The following GPR37L1 variants were observed in gnomAD, a reference collection of about 807,000 sequenced individuals.
GPR37L1 encodes the protein G protein-coupled receptor 37-like 1.
In GPR37L1, 18 loss-of-function variants were observed where a neutral mutation model predicts 18.0. That is an observed-to-expected ratio of 1.00 (90% CI 0.69 to 1.49). The LOEUF is 1.49. Ranked by LOEUF, GPR37L1 falls within the 40% of genes most tolerant of loss-of-function variation. The pLI is 0.00. For missense variants in GPR37L1, 558 were observed against 615.1 expected (o/e 0.91, Z 0.98); for synonymous variants, 256 against 273.9 (o/e 0.93, Z 0.65).
intron 1 of GPR37L1, among the ~76,000 whole-genome samples, chr1:202,127,091 CAT>C (rs1459768300): frequency 2.0e-5 from 3 of 152,176 alleles, no homozygotes; most frequent in East Asian, 1.9e-4. Flanking sequence ...AGGAGGCAGA[CAT>C]GTGTGTAAAC....
Position 202,128,546 on chromosome 1 carries a change from C to T in GPR37L1, c.1436C>T (p.Thr479Ile), listed in dbSNP as rs1571713992. ...RESPPLLPLG[T>I]PC is the part of the protein sequence containing the mutation. Reference sequence around the variant, plus strand: ...TCACCCCCACTCCTGCCCCTGGGCACACCTTGCTGAGGCCCCAGTAGGGGT... The same window carrying T: ...TCACCCCCACTCCTGCCCCTGGGCATACCTTGCTGAGGCCCCAGTAGGGGT... Residue 479 changes from threonine to isoleucine, a missense_variant, in exon 2 of 2, where the codon ACA becomes ATA. Thr to Ile is a moderately conservative substitution (Grantham distance 89). Coordinates refer to ENST00000367282, the MANE Select transcript of GPR37L1 (RefSeq NM_004767.5). 1 of 1,556,414 alleles carries T rather than the reference C, an allele frequency of 6.4e-7. No homozygotes were observed. Among genetic ancestry groups the T allele is most frequent in the Non-Finnish European group, 8.7e-7 (1 of 1,146,810 alleles).
chr1:202,129,002 C>CTT lies in GPR37L1; in HGVS notation c.*447_*448dup. ...CCAGCCCAGTGTGGCTCACCACACT[C>CTT]TTCTTTTTTTTTTTTTTTTTTTTTG... On this transcript the variant is annotated 3_prime_UTR_variant, in exon 2 of 2. Coordinates refer to ENST00000367282, the MANE Select transcript of GPR37L1 (RefSeq NM_004767.5). 7.3e-6 allele frequency: 1 copy of CTT among 136,994 alleles called. No individual in the cohort carries two copies. The highest frequency in any genetic ancestry group is 1.5e-5 in the Non-Finnish European group (1 of 65,868). 8.5% of individuals were successfully genotyped at this position (136,994 alleles called of 1,614,324 possible). A position where few individuals can be genotyped will look rare whatever the true frequency, so the allele number is the denominator to read the frequency against.
intron 1 of GPR37L1, among the ~76,000 whole-genome samples, chr1:202,125,942 C>T (rs865787803): frequency 6.6e-6 from 1 of 152,130 alleles, no homozygotes; most frequent in East Asian, 1.9e-4. Flanking sequence ...GGCTGATCTC[C>T]AACCCCTGAG....
In GPR37L1 at chr1:202,122,946, T is replaced by C. The variant is rs1305465297; in HGVS notation, c.-18T>C. On this transcript the variant is annotated 5_prime_UTR_variant, in exon 1 of 2. Transcript: ENST00000367282. Reference sequence around the variant, plus strand: ...TCACCTGCTCTTCCTGGGCTGGCTGTCTCCTGCTCATCCAGCCATGCGGTG... The same window carrying C: ...TCACCTGCTCTTCCTGGGCTGGCTGCCTCCTGCTCATCCAGCCATGCGGTG... 1 of 1,611,322 alleles carries C rather than the reference T, an allele frequency of 6.2e-7. No individual in the cohort carries two copies. The highest frequency in any genetic ancestry group is 2.2e-5 in the East Asian group (1 of 44,878).
rs764750408 is a variant in GPR37L1 at position 202,128,482 on chromosome 1, G to A, written c.1372G>A (p.Glu458Lys). 9.3e-6 allele frequency: 15 copies of A among 1,609,870 alleles called. No homozygotes were observed. Among genetic ancestry groups the A allele is most frequent in the Non-Finnish European group, 1.2e-5 (14 of 1,178,066 alleles). ...ANGSDNKLKTEVSSSIYFHKP... is the reference protein window; with the variant it reads ...ANGSDNKLKTKVSSSIYFHKP... Reference sequence around the variant, plus strand: ...TGGGTCGGACAACAAGCTCAAGACCGAGGTGTCCTCTTCCATCTACTTCCA... The same window carrying A: ...TGGGTCGGACAACAAGCTCAAGACCAAGGTGTCCTCTTCCATCTACTTCCA... The change falls in exon 2 of 2, where the codon GAG becomes AAG. Residue 458 changes from glutamate (E) to lysine (K), a missense_variant. Transcript: ENST00000367282.
In GPR37L1 at chr1:202,128,123, C is replaced by T. The variant is rs1445852977; in HGVS notation, c.1013C>T (p.Pro338Leu). 6.2e-7 allele frequency: 1 copy of T among 1,614,100 alleles called. No homozygotes were observed. Residue 338 changes from proline (P) to leucine (L), a missense_variant, in exon 2 of 2, where the codon CCT becomes CTT. Coordinates refer to ENST00000367282, the MANE Select transcript of GPR37L1 (RefSeq NM_004767.5). ...CQLVTWRVRG[P>L]PGRKSECRAS... ...CTGGTGACATGGCGGGTGCGAGGCCCTCCAGGGAGGAAGTCAGAGTGCAGG... is the reference window on the plus strand; with the variant it reads ...CTGGTGACATGGCGGGTGCGAGGCCTTCCAGGGAGGAAGTCAGAGTGCAGG...
rs1213737673 is a variant in GPR37L1, at chr1:202,132,053, A to G, written c.*3497A>G. 6.6e-6 allele frequency: 1 copy of G among 152,186 alleles called. No individual in the cohort carries two copies. Among genetic ancestry groups the G allele is most frequent in the South Asian group, 2.1e-4 (1 of 4,828 alleles). 9.4% of individuals were successfully genotyped at this position (152,186 alleles called of 1,614,324 possible). On this transcript the variant is annotated 3_prime_UTR_variant, in exon 2 of 2. Transcript: ENST00000367282. The stretch of plus-strand genomic sequence containing the variant: ...CCCCTGAACAAATTCTTTAAGTCAT[A>G]TTAGCACCTGCTGCACGCCGGCACT...
chr1:202,126,870 C>T (rs964431381), intron 1 of GPR37L1, among the ~76,000 whole-genome samples: 4 of 52,790 alleles, frequency 7.6e-5, no homozygotes, highest in East Asian at 5.1e-4. Context: ...TGTGTGTGTG[C>T]ACGCGTAAGC....
rs1462760052 is a variant in GPR37L1, at chr1:202,128,730, CCCTTGTG to C, written c.*175_*181del. ...CCTCCCCACACAGGGCCTTTCCTGT[CCCTTGTG>C]GGGCCTTCCAACCCTGTCCTTTCCA... On this transcript the variant is annotated 3_prime_UTR_variant, in exon 2 of 2. Coordinates refer to ENST00000367282, the MANE Select transcript of GPR37L1 (RefSeq NM_004767.5). 6.8e-6 allele frequency: 4 copies of C among 588,540 alleles called. No homozygotes were observed. The highest frequency in any genetic ancestry group is 1.2e-5 in the Non-Finnish European group (4 of 330,686). 36.5% of individuals were successfully genotyped at this position (588,540 alleles called of 1,614,324 possible). A position where few individuals can be genotyped will look rare whatever the true frequency, so the allele number is the denominator to read the frequency against.
In GPR37L1 at chr1:202,128,622, C is replaced by T. The variant is rs1654747914; in HGVS notation, c.*66C>T. Reference sequence around the variant, plus strand: ...CCCGCCGGTGTCTGCTGTTCTTTCCCCATAGGTCTTGCTTTGTTGCCTGTC... The same window carrying T: ...CCCGCCGGTGTCTGCTGTTCTTTCCTCATAGGTCTTGCTTTGTTGCCTGTC... On this transcript the variant is annotated 3_prime_UTR_variant, in exon 2 of 2. Transcript: ENST00000367282. 16 of 975,180 alleles carry T rather than the reference C, an allele frequency of 1.6e-5. No individual in the cohort carries two copies. Among genetic ancestry groups the T allele is most frequent in the Non-Finnish European group, 2.4e-5 (16 of 656,910 alleles). 60.4% of individuals were successfully genotyped at this position (975,180 alleles called of 1,614,324 possible). A position where few individuals can be genotyped will look rare whatever the true frequency, so the allele number is the denominator to read the frequency against.
intron 1 of GPR37L1, among the ~76,000 whole-genome samples, chr1:202,127,178 G>T (rs1654686707): frequency 6.6e-6 from 1 of 152,182 alleles, no homozygotes; most frequent in South Asian, 2.1e-4. Context: ...CTTTTTCAAT[G>T]GTAAGGTGGT....
rs1002756580 is a variant in GPR37L1, at chr1:202,130,191, C to T, written c.*1635C>T. Reference sequence around the variant, plus strand: ...CATCAACCAGAAGTGATGCCTCAGCCAGGCCACCAGTCGCTCCCCGCCTGG... The same window carrying T: ...CATCAACCAGAAGTGATGCCTCAGCTAGGCCACCAGTCGCTCCCCGCCTGG... On this transcript the variant is annotated 3_prime_UTR_variant, in exon 2 of 2. Coordinates refer to ENST00000367282, the MANE Select transcript of GPR37L1 (RefSeq NM_004767.5). The T allele has an allele frequency of 3.3e-5, 5 of 152,522 alleles. No individual in the cohort carries two copies. The highest frequency in any genetic ancestry group is 1.2e-4 in the African/African-American group (5 of 41,446). 9.4% of individuals were successfully genotyped at this position (152,522 alleles called of 1,614,324 possible). A position where few individuals can be genotyped will look rare whatever the true frequency, so the allele number is the denominator to read the frequency against.
At position 202,131,305 on chromosome 1, in the gene GPR37L1, C is replaced by G. The variant is rs1419145044; in HGVS notation, c.*2749C>G. The G allele has an allele frequency of 6.6e-6, 1 of 152,246 alleles. No individual in the cohort carries two copies. Among genetic ancestry groups the G allele is most frequent in the African/African-American group, 2.4e-5 (1 of 41,440 alleles). 9.4% of individuals were successfully genotyped at this position (152,246 alleles called of 1,614,324 possible). On this transcript the variant is annotated 3_prime_UTR_variant, in exon 2 of 2. Transcript: ENST00000367282. ...CACCTTCTCATCACCTATCCTGGAACTGAATGCAATTACTTAAACTCAGTC... is the reference window on the plus strand; with the variant it reads ...CACCTTCTCATCACCTATCCTGGAAGTGAATGCAATTACTTAAACTCAGTC...
chr1:202,127,859 C>A lies in GPR37L1; in HGVS notation c.749C>A (p.Ala250Asp). 6.2e-7 allele frequency: 1 copy of A among 1,613,978 alleles called. No individual in the cohort carries two copies. The highest frequency in any genetic ancestry group is 8.5e-7 in the Non-Finnish European group (1 of 1,180,008). Reference protein sequence around the residue: ...RPIERCQSILAKLAVIWVGSM... With the variant: ...RPIERCQSILDKLAVIWVGSM... ...ATCGAGCGGTGCCAATCCATCCTGG[C>A]CAAGTTGGCTGTCATCTGGGTGGGC... Residue 250 changes from alanine (A) to aspartate (D), a missense_variant, in exon 2 of 2, where the codon GCC becomes GAC. By Grantham distance (126) the Ala-to-Asp change is moderately radical. Transcript: ENST00000367282.
In GPR37L1 at chr1:202,129,677, A is replaced by G. The variant is rs1411436829; in HGVS notation, c.*1121A>G. ...TCAGAACAGCCTTGTGGCCCTGGCGACTCCAAGGGTTTTATGGCTTTTGAG... is the reference window on the plus strand; with the variant it reads ...TCAGAACAGCCTTGTGGCCCTGGCGGCTCCAAGGGTTTTATGGCTTTTGAG... On this transcript the variant is annotated 3_prime_UTR_variant, in exon 2 of 2. Coordinates refer to ENST00000367282, the MANE Select transcript of GPR37L1 (RefSeq NM_004767.5). 1 of 151,824 alleles carries G rather than the reference A, an allele frequency of 6.6e-6. No homozygotes were observed. The highest frequency in any genetic ancestry group is 1.5e-5 in the Non-Finnish European group (1 of 68,016). The allele number at this position is 151,824 out of a possible 1,614,324, so 9.4% of individuals were successfully genotyped here.
chr1:202,123,051 C>G lies in GPR37L1; in HGVS notation c.88C>G (p.Leu30Val), dbSNP rs765717536. The G allele has an allele frequency of 1.9e-6, 3 of 1,613,612 alleles. No individual in the cohort carries two copies. In the Admixed American group the frequency reaches 5.0e-5, roughly 27 times the overall value. ...SRVSGGAPLH[L>V]GRHRAETQEQ... ...GGTCTCTGGGGGTGCCCCCCTGCAC[C>G]TGGGCAGGCACAGAGCCGAGACCCA... Residue 30 changes from leucine to valine, a missense_variant, in exon 1 of 2, where the codon CTG becomes GTG. Leu to Val is a conservative substitution (Grantham distance 32). Coordinates refer to ENST00000367282, the MANE Select transcript of GPR37L1 (RefSeq NM_004767.5).
rs1316344000 is a variant in GPR37L1, at chr1:202,131,234, G to A, written c.*2678G>A. The A allele has an allele frequency of 6.6e-6, 1 of 152,218 alleles. No individual in the cohort carries two copies. The highest frequency in any genetic ancestry group is 1.9e-4 in the East Asian group (1 of 5,190). The allele number at this position is 152,218 out of a possible 1,614,324, so 9.4% of individuals were successfully genotyped here. On this transcript the variant is annotated 3_prime_UTR_variant, in exon 2 of 2. Transcript: ENST00000367282. ...GATCCTGATGCCAGGTTACAGGGCT[G>A]AGGGGAGCCTGAAATCCACTGGGTC...
Position 202,127,958 on chromosome 1 carries a change from T to C in GPR37L1, c.848T>C (p.Leu283Pro), listed in dbSNP as rs1377859726. Residue 283 changes from leucine (L) to proline (P), a missense_variant, in exon 2 of 2, where the codon CTG becomes CCG. By Grantham distance (98) the Leu-to-Pro change is moderately conservative (BLOSUM62 -3). Coordinates refer to ENST00000367282, the MANE Select transcript of GPR37L1 (RefSeq NM_004767.5). ...AQEPAPTMGT[L>P]DSCIMKPSAS... is the part of the protein sequence containing the mutation. ...GAGCCTGCCCCCACCATGGGCACCC[T>C]GGACTCATGCATCATGAAACCCTCA... is the stretch of plus-strand genomic sequence containing the variant. The C allele has an allele frequency of 1.9e-6, 3 of 1,614,066 alleles. No homozygotes were observed. Among genetic ancestry groups the C allele is most frequent in the Non-Finnish European group, 2.5e-6 (3 of 1,179,964 alleles).
In GPR37L1 at chr1:202,127,943, C is replaced by T; in HGVS notation, c.833C>T (p.Pro278Leu). ...TGGCAGCTGGCACAGGAGCCTGCCC[C>T]CACCATGGGCACCCTGGACTCATGC... ...LLWQLAQEPA[P>L]TMGTLDSCIM... The change falls in exon 2 of 2, where the codon CCC (proline) becomes CTC (leucine). Residue 278 changes from proline (P) to leucine (L), a missense_variant. By Grantham distance (98) the Pro-to-Leu change is moderately conservative. Coordinates refer to ENST00000367282, the MANE Select transcript of GPR37L1 (RefSeq NM_004767.5). 6.2e-7 allele frequency: 1 copy of T among 1,613,922 alleles called. No homozygotes were observed. The highest frequency in any genetic ancestry group is 1.1e-5 in the South Asian group (1 of 91,084).
Sources: allele counts gnomAD v4.1 joint callset (sites outside exome capture counted in the v4.1 genomes callset), GRCh38; gene constraint gnomAD v4.1.1; transcripts MANE v1.5; gene names NCBI Gene and HGNC (gene_info 2026-07-23, HGNC 2026-07-21).